LTBP1: variants seen among roughly 807,000 people sequenced by gnomAD.
LTBP1 encodes the protein latent transforming growth factor beta binding protein 1, also known as latent-transforming growth factor beta-binding protein 1.
A neutral mutation model predicts 207.6 loss-of-function variants in LTBP1; 129 were observed. The observed-to-expected ratio is 0.62, with a 90% CI of 0.54 to 0.72. The LOEUF is 0.72. LTBP1 is among the 30% of genes least tolerant of loss of function. The pLI is 0.00. For missense variants in LTBP1, 2,281 were observed against 2,217.2 expected (o/e 1.03, Z -0.58); for synonymous variants, 963 against 833.7 (o/e 1.16, Z -2.67).
At chr2:33,089,110 C>A (rs1215363058) in intron 3 of LTBP1, among the ~76,000 whole-genome samples, 1 of 141,002 alleles carries the variant, frequency 7.1e-6, no homozygotes, top group Non-Finnish European at 1.5e-5. Context: ...GAGCCAAGAT[C>A]GCACCACTGC....
chr2:33,281,397 GGAA>G lies in LTBP1; in HGVS notation c.3112+1248_3112+1250del, dbSNP rs528550581. Among the ~76,000 whole-genome samples, 133 of 152,254 alleles carry G rather than the reference GGAA, an allele frequency of 8.7e-4. 1 individual carries two copies. The highest frequency in any genetic ancestry group is 1.6e-3 in the Non-Finnish European group (112 of 68,020). On this transcript the variant is annotated intron_variant, in intron 19 of 33. Transcript: ENST00000404816. ...TAAACAGCATATGCAAGAGGCTCGT[GGAA>G]GAAGAAGAGAGCAGAAGGCCAGTGT... is the stretch of plus-strand genomic sequence containing the variant.
chr2:33,201,783 C>A (rs1333653439), intron 7 of LTBP1, among the ~76,000 whole-genome samples: 1 of 152,122 alleles, frequency 6.6e-6, no homozygotes, highest in Non-Finnish European at 1.5e-5. Context: ...TGTGAAAACT[C>A]TTTTTTCCTT....
chr2:33,293,346 T>A (rs2093812413), intron 20 of LTBP1, 64 bp downstream of exon 20: 3 of 1,495,182 alleles, frequency 2.0e-6, no homozygotes, highest in Admixed American at 4.6e-5. Flanking sequence ...ATTAGAGCAA[T>A]TAGCCTTAGA....
chr2:33,053,125 C>T lies in LTBP1; in HGVS notation c.863+31919C>T, dbSNP rs1333110717. Among the ~76,000 whole-genome samples the T allele has an allele frequency of 3.3e-5, 5 of 152,178 alleles. No homozygotes were observed. In the East Asian group the frequency reaches 9.6e-4, roughly 29 times the overall value. On this transcript the variant is annotated intron_variant, in intron 3 of 33. Coordinates refer to ENST00000404816, the MANE Select transcript of LTBP1 (RefSeq NM_206943.4). Reference sequence around the variant, plus strand: ...ACCTCAAGTGATCTGCCTGCCTCAGCCTCCCAAAGTGCTGGAATTACAGGC... The same window carrying T: ...ACCTCAAGTGATCTGCCTGCCTCAGTCTCCCAAAGTGCTGGAATTACAGGC...
chr2:33,030,033 C>A (rs1478131787), intron 3 of LTBP1, among the ~76,000 whole-genome samples: 1 of 152,120 alleles, frequency 6.6e-6, no homozygotes, highest in Non-Finnish European at 1.5e-5. Flanking sequence ...TTAAAAAACT[C>A]TCTTTCCGAG....
intron 2 of LTBP1, among the ~76,000 whole-genome samples, chr2:32,977,458 C>T (rs1681984265): frequency 6.6e-6 from 1 of 152,206 alleles, no homozygotes; most frequent in Non-Finnish European, 1.5e-5. Flanking sequence ...GTGAGGGCGG[C>T]TGGAGCAATC....
chr2:33,076,610 C>T (rs6743706), intron 3 of LTBP1, among the ~76,000 whole-genome samples: 15,296 of 151,786 alleles, frequency 0.1, 970 homozygotes, highest in Non-Finnish European at 0.14. Context: ...GATCTCAGCT[C>T]ACTGCAACCT....
intron 3 of LTBP1, among the ~76,000 whole-genome samples, chr2:33,054,231 G>A (rs959971428): frequency 1.1e-4 from 17 of 152,206 alleles, no homozygotes; most frequent in African/African-American, 4.1e-4. Context: ...TTCGGTTTTT[G>A]TACTCCTAGA....
At chr2:33,241,007 A>T (rs72858075) in intron 9 of LTBP1, among the ~76,000 whole-genome samples, 83 of 152,344 alleles carry the variant, frequency 5.4e-4, no homozygotes, top group African/African-American at 1.6e-3. Context: ...ATATGCAAAA[A>T]TTCATCTAGT....
intron 2 of LTBP1, among the ~76,000 whole-genome samples, chr2:32,987,727 A>G (rs1292096362): frequency 2.0e-5 from 3 of 152,192 alleles, no homozygotes; most frequent in African/African-American, 7.2e-5. Context: ...CAGGGCTTTC[A>G]GGAAACAAAG....
intron 4 of LTBP1, among the ~76,000 whole-genome samples, chr2:33,129,043 A>G (rs2081604874): frequency 6.6e-6 from 1 of 152,258 alleles, no homozygotes; most frequent in South Asian, 2.1e-4. Flanking sequence ...TGAAAGAGAC[A>G]CCTGGAACAG....
chr2:33,309,796 C>G (rs1303226109), intron 23 of LTBP1, among the ~76,000 whole-genome samples: 2 of 152,216 alleles, frequency 1.3e-5, no homozygotes, highest in African/African-American at 4.8e-5. Flanking sequence ...GTGCTTCCGT[C>G]ACCTGTACTT....
At chr2:33,096,094 C>T (rs1301823379) in intron 3 of LTBP1, among the ~76,000 whole-genome samples, 1 of 152,030 alleles carries the variant, frequency 6.6e-6, no homozygotes, top group East Asian at 1.9e-4. Context: ...AATAAAACAA[C>T]TGAAAACCAA....
At chr2:33,318,805 A>G (rs2094311038) in intron 24 of LTBP1, among the ~76,000 whole-genome samples, 1 of 152,130 alleles carries the variant, frequency 6.6e-6, no homozygotes, top group South Asian at 2.1e-4. Flanking sequence ...GATCATATCC[A>G]TTTGTTTAGC....
chr2:33,015,669 A>T (rs570074015), intron 2 of LTBP1, among the ~76,000 whole-genome samples: 1 of 152,230 alleles, frequency 6.6e-6, no homozygotes, highest in East Asian at 1.9e-4. Context: ...TCACACTGCT[A>T]TAAAGAAATG....
At chr2:33,287,095 A>C (rs1224033216) in intron 19 of LTBP1, among the ~76,000 whole-genome samples, 1 of 151,054 alleles carries the variant, frequency 6.6e-6, no homozygotes, top group Non-Finnish European at 1.5e-5. Context: ...AAATAAAATA[A>C]AAACAACAAC....
At chr2:33,098,843 G>A (rs901449635) in intron 3 of LTBP1, among the ~76,000 whole-genome samples, 8 of 152,198 alleles carry the variant, frequency 5.3e-5, no homozygotes, top group Non-Finnish European at 8.8e-5. Context: ...TAGCCTCAGA[G>A]CAAGGCTCTC....
At chr2:33,091,972 A>C (rs1437160474) in intron 3 of LTBP1, among the ~76,000 whole-genome samples, 1 of 152,194 alleles carries the variant, frequency 6.6e-6, no homozygotes, top group Non-Finnish European at 1.5e-5. Context: ...AGCACTGGCC[A>C]GGCGTGGGGC....
chr2:33,193,162 G>A (rs1350532389), intron 7 of LTBP1, among the ~76,000 whole-genome samples: 1 of 152,076 alleles, frequency 6.6e-6, no homozygotes, highest in African/African-American at 2.4e-5. Flanking sequence ...TTTGTTTTGA[G>A]ATGGAGTCTC....
Sources: gnomAD v4.1 joint callset for allele counts (sites outside exome capture counted in the v4.1 genomes callset) on GRCh38, gnomAD v4.1.1 for gene constraint, MANE v1.5 for transcripts, NCBI Gene and HGNC (gene_info 2026-07-23, HGNC 2026-07-21) for gene names.